The following CES4A variants were observed in gnomAD, a reference collection of about 807,000 sequenced individuals.
The protein encoded by CES4A is carboxylesterase 4A.
CES4A carries 48 observed loss-of-function variants against 65.4 expected under a neutral mutation model. The observed-to-expected ratio is 0.73, with a 90% CI of 0.58 to 0.93. The LOEUF (loss-of-function observed/expected upper bound fraction) is 0.93, where lower values mean the gene tolerates loss of function less well. Ranked by LOEUF, CES4A falls within the 40% of genes least tolerant of loss-of-function variation. CES4A has a pLI of 0.00. For missense variants in CES4A, 685 were observed against 728.5 expected (o/e 0.94, Z 0.69); for synonymous variants, 247 against 281.8 (o/e 0.88, Z 1.24).
chr16:67,003,474 G>A lies in CES4A; in HGVS notation c.901-41G>A, dbSNP rs1393754663. 1.2e-6 allele frequency: 2 copies of A among 1,604,440 alleles called. No homozygotes were observed. Among genetic ancestry groups the A allele is most frequent in the African/African-American group, 1.3e-5 (1 of 74,816 alleles). On this transcript the variant is annotated intron_variant, in intron 7 of 13. Coordinates refer to ENST00000648724, the Ensembl canonical transcript of CES4A. This position sits in a 1 kb window ranked among gnomAD's most constrained non-coding sequence, Gnocchi z 4.2. The stretch of plus-strand genomic sequence containing the variant: ...GGACCCTGTCTCAAGAGCACACGAG[G>A]GAGACTTCCTTTAACTCTGATCCCT...
At chr16:66,994,636 TAGAGACCATCCTGGCTAGTAC>T in intron 1 of CES4A, among the ~76,000 whole-genome samples, 3 of 151,040 alleles carry the variant, frequency 2.0e-5, no homozygotes, top group South Asian at 2.1e-4. Context: ...GGTCAGGAGA[TAGAGACCATCCTGGCTAGTAC>T]GGTGAAACCC....
At chr16:66,996,133 G>A (rs1051581026) in intron 2 of CES4A, 11 of 493,776 alleles carry the variant, frequency 2.2e-5, no homozygotes, top group Non-Finnish European at 4.2e-5. Context: ...CGCCTCCCGG[G>A]TTCAAGCGAG....
chr16:67,007,944 C>T (rs1260556145), intron 13 of CES4A: 2 of 152,262 alleles, frequency 1.3e-5, no homozygotes, highest in Non-Finnish European at 2.9e-5. Context: ...GCCACCATGC[C>T]TGGCTAATTT....
In CES4A at chr16:67,004,787, G is replaced by A. The variant is rs977598833; in HGVS notation, c.1081-6G>A. 3 of 1,535,876 alleles carry A rather than the reference G, an allele frequency of 2.0e-6. No homozygotes were observed. Among genetic ancestry groups the A allele is most frequent in the Admixed American group, 2.0e-5 (1 of 50,962 alleles). The stretch of plus-strand genomic sequence containing the variant: ...ACCCACACTGGGGTCCTTGTCTTGT[G>A]AACAGATCATGAAGTTCCCGCTAAA... On this transcript the variant is annotated splice_region_variant and splice_polypyrimidine_tract_variant and intron_variant, in intron 9 of 13. Transcript: ENST00000648724.
exon 11 of CES4A, chr16:67,005,315 C>T (rs1965667192): frequency 1.2e-6 from 2 of 1,613,932 alleles, no homozygotes; most frequent in East Asian, 4.5e-5. Context: ...CTGGAAGATG[C>T]TACGAAACCG....
At chr16:66,994,987 G>A (rs1291153031) in intron 1 of CES4A, among the ~76,000 whole-genome samples, 2 of 151,818 alleles carry the variant, frequency 1.3e-5, no homozygotes, top group African/African-American at 4.8e-5. Flanking sequence ...CTGGGCGATA[G>A]AGAAAGACCC....
intron 1 of CES4A, among the ~76,000 whole-genome samples, chr16:66,990,398 G>T (rs911407717): frequency 9.9e-5 from 15 of 152,118 alleles, no homozygotes; most frequent in Admixed American, 2.0e-4. Context: ...TGTACTATTA[G>T]AATGTACACA....
intron 1 of CES4A, among the ~76,000 whole-genome samples, chr16:66,993,728 G>C (rs576403390): frequency 6.6e-6 from 1 of 152,212 alleles, no homozygotes; most frequent in Non-Finnish European, 1.5e-5. Context: ...TATTAGATGC[G>C]AGTATGCATA....
At chr16:66,989,499 A>G (rs1223601939) in intron 1 of CES4A, among the ~76,000 whole-genome samples, 1 of 152,016 alleles carries the variant, frequency 6.6e-6, no homozygotes, top group African/African-American at 2.4e-5. Context: ...GTTTGAGACC[A>G]GCCTGGGCAA....
chr16:67,010,087 C>A (rs1294334462), downstream of CES4A, among the ~76,000 whole-genome samples: 8 of 139,316 alleles, frequency 5.7e-5, no homozygotes, highest in Non-Finnish European at 9.2e-5. Flanking sequence ...TTTTTTGAGA[C>A]GGAGTTTTGC....
intron 2 of CES4A, chr16:66,996,195 C>A (rs1266819695): frequency 5.3e-6 from 2 of 380,354 alleles, no homozygotes; most frequent in East Asian, 1.4e-4. Flanking sequence ...TGCCACCATG[C>A]ACACCTAATT....
At chr16:66,996,257 G>A (rs1020572601) in intron 2 of CES4A, 17 of 342,924 alleles carry the variant, frequency 5.0e-5, no homozygotes, top group Non-Finnish European at 7.9e-5. Context: ...GGATGGTCTC[G>A]ATCTCTTGAC....
In CES4A at chr16:66,995,747, C is replaced by G. The variant is rs772475063; in HGVS notation, c.178C>G (p.Pro60Ala). Residue 60 changes from proline to alanine, a missense_variant, in exon 2 of 14, where the codon CCT (proline) becomes GCT (alanine). Transcript: ENST00000648724. ...TTTAGGAGTCCCCTTCTCCAGACCT[C>G]CTCTAGGTATCCTCAGGTTTGCACC... The G allele has an allele frequency of 5.1e-5, 83 of 1,614,242 alleles. No homozygotes were observed. The South Asian group carries it at 8.8e-4, about 17-fold the overall frequency.
chr16:67,009,185 C>CCT, exon 14 of CES4A: 1 of 1,568,296 alleles, frequency 6.4e-7, no homozygotes, highest in Non-Finnish European at 8.7e-7. Context: ...TTTGCCCCCA[C>CCT]CATCCAGGCC....
chr16:67,004,212 G>T (rs1555530956), exon 9 of CES4A: 2 of 1,614,140 alleles, frequency 1.2e-6, no homozygotes, highest in Admixed American at 1.7e-5. Flanking sequence ...AATTCAATTG[G>T]CTCTTGCCTT....
chr16:66,993,444 G>A (rs895629099), intron 1 of CES4A, among the ~76,000 whole-genome samples: 19 of 152,150 alleles, frequency 1.2e-4, no homozygotes, highest in Non-Finnish European at 1.5e-4. Context: ...CCGGGTTCAA[G>A]CGATTCTCCT....
rs1473348294 is a variant in CES4A, at chr16:67,005,523, T to C, written c.1315+130T>C. ...TGGGCTAGTATAGGATTCTAAGATA[T>C]CACAGAGGAGGCAGCATGCTATCAA... On this transcript the variant is annotated intron_variant, in intron 11 of 13. Coordinates refer to ENST00000648724, the Ensembl canonical transcript of CES4A. 20 of 881,942 alleles carry C rather than the reference T, an allele frequency of 2.3e-5. No homozygotes were observed. In the South Asian group the frequency reaches 3.2e-4, roughly 14 times the overall value. The allele number at this position is 881,942 out of a possible 1,614,324, so 54.6% of individuals were successfully genotyped here. A position where few individuals can be genotyped will look rare whatever the true frequency, so the allele number is the denominator to read the frequency against.
rs753135325 is a variant in CES4A at position 67,003,547 on chromosome 16, G to A, written c.933G>A (p.Pro311=). ...TCCAACTGAACTTCCAGAGAGACCC[G>A]GAAGAGGTAAACAGGCCACATTCTG... Residue 311 remains proline, a synonymous_variant, in exon 8 of 14, where the codon CCG becomes CCA. Coordinates refer to ENST00000648724, the Ensembl canonical transcript of CES4A. The surrounding 1 kb of genome is among the most constrained non-coding windows in gnomAD (Gnocchi z 4.2). 23 of 1,612,816 alleles carry A rather than the reference G, an allele frequency of 1.4e-5. No individual in the cohort carries two copies. The highest frequency in any genetic ancestry group is 2.2e-5 in the South Asian group (2 of 91,054).
chr16:67,006,454 C>G (rs190058306), exon 12 of CES4A: 71 of 1,536,450 alleles, frequency 4.6e-5, no homozygotes, highest in Middle Eastern at 1.7e-4. Flanking sequence ...ATCGTCAAAC[C>G]CCGCACTGAT....
Sources: gnomAD v4.1 joint callset for allele counts (sites outside exome capture counted in the v4.1 genomes callset) on GRCh38, gnomAD v4.1.1 for gene constraint, Gnocchi (gnomAD v3.1) non-coding constraint, MANE v1.5 for transcripts, NCBI Gene and HGNC (gene_info 2026-07-23, HGNC 2026-07-21) for gene names.